Variants in GPC3 observed in about 807,000 individuals in gnomAD.
GPC3 encodes glypican 3.
GPC3 carries 3 observed loss-of-function variants against 34.4 expected under a neutral mutation model. That is an observed-to-expected ratio of 0.09 (90% CI 0.04 to 0.23). The LOEUF (loss-of-function observed/expected upper bound fraction) is 0.23. Among genes scored for constraint, GPC3 ranks in the 10% least tolerant of loss-of-function variants. The pLI, the probability that GPC3 is intolerant of heterozygous loss-of-function variation, is 1.00. For synonymous variants in GPC3, 177 were observed against 174.0 expected (o/e 1.02, Z -0.13); for missense variants, 351 against 445.6 (o/e 0.79, Z 1.91).
chrX:133,872,249 T>G (rs2075996866), intron 2 of GPC3, among the ~76,000 whole-genome samples: 1 of 111,623 alleles, frequency 9.0e-6, no homozygotes, highest in African/African-American at 3.3e-5. Flanking sequence ...TTTTTTTCTC[T>G]GAGGTTCGGG....
chrX:133,776,895 TTTG>T, intron 2 of GPC3, among the ~76,000 whole-genome samples: 1 of 101,157 alleles, frequency 9.9e-6, no homozygotes, highest in South Asian at 4.8e-4. Context: ...TTTTTTTTTT[TTTG>T]AGATGGAGTC....
intron 3 of GPC3, among the ~76,000 whole-genome samples, chrX:133,717,971 C>T (rs1267332044): frequency 2.7e-5 from 3 of 111,186 alleles, no homozygotes; most frequent in African/African-American, 6.5e-5. Flanking sequence ...ATGTAATTCA[C>T]ACAAAGAAAT....
chrX:133,945,668 C>T (rs1224359820), intron 2 of GPC3, among the ~76,000 whole-genome samples: 2 of 108,677 alleles, frequency 1.8e-5, no homozygotes, highest in Non-Finnish European at 1.9e-5. Context: ...GCAGGAGAAT[C>T]GCTTGAACCC....
intron 2 of GPC3, among the ~76,000 whole-genome samples, chrX:133,938,309 C>T (rs978250430): frequency 4.5e-5 from 5 of 111,506 alleles, no homozygotes. Context: ...GGTAGACTCC[C>T]CCAGGTAACA....
intron 2 of GPC3, among the ~76,000 whole-genome samples, chrX:133,854,991 C>A (rs1420970481): frequency 8.9e-6 from 1 of 112,008 alleles, no homozygotes; most frequent in African/African-American, 3.2e-5. Flanking sequence ...ACAGCATAAT[C>A]ACATTTTAAT....
chrX:133,615,977 TTTTCTC>T (rs1307152650), intron 6 of GPC3, among the ~76,000 whole-genome samples: 1 of 110,540 alleles, frequency 9.0e-6, no homozygotes, highest in Non-Finnish European at 1.9e-5. Context: ...AAACTGAAAG[TTTTCTC>T]TTTAAGATGA....
In GPC3 at chrX:133,650,457, C is replaced by CCACACA. The variant is rs537936603; in HGVS notation, c.1413+11267_1413+11272dup. ...GATTTAAACACACCCACACACCCAC[C>CCACACA]CACACACACACACACACACACACAC... On this transcript the variant is annotated intron_variant, in intron 6 of 7. Transcript: ENST00000370818. Among the ~76,000 whole-genome samples the CCACACA allele has an allele frequency of 7.2e-3, 704 of 97,673 alleles. 9 individuals carry two copies. The highest frequency in any genetic ancestry group is 0.024 in the African/African-American group (640 of 26,203). The allele number at this position is 97,673 out of a possible 115,157, so 84.8% of individuals were successfully genotyped here.
At chrX:133,897,535 T>TGA (rs1262872658) in intron 2 of GPC3, among the ~76,000 whole-genome samples, 4 of 110,540 alleles carry the variant, frequency 3.6e-5, no homozygotes, top group African/African-American at 1.3e-4. Context: ...ACCGTGCTAT[T>TGA]CTGCCTATAG....
intron 1 of GPC3, among the ~76,000 whole-genome samples, chrX:133,957,111 T>G (rs2076419988): frequency 8.9e-6 from 1 of 111,735 alleles, no homozygotes; most frequent in South Asian, 3.8e-4. Context: ...ATATATGATA[T>G]CCAAATATAA....
At chrX:133,689,341 T>C (rs1182702889) in intron 5 of GPC3, among the ~76,000 whole-genome samples, 2 of 111,831 alleles carry the variant, frequency 1.8e-5, no homozygotes, top group African/African-American at 3.2e-5. Context: ...TCAGTTACCA[T>C]AGTTCTTTTA....
At chrX:133,890,117 C>T (rs1208598007) in intron 2 of GPC3, among the ~76,000 whole-genome samples, 1 of 110,820 alleles carries the variant, frequency 9.0e-6, no homozygotes, top group East Asian at 2.8e-4. Context: ...AAAATGGAAT[C>T]ACACTTTATG....
intron 6 of GPC3, among the ~76,000 whole-genome samples, chrX:133,639,326 T>C (rs79032230): frequency 1.8e-5 from 2 of 112,322 alleles, no homozygotes; most frequent in African/African-American, 3.2e-5. Flanking sequence ...TTCTGCCTTG[T>C]ATTGTAATTA....
At chrX:133,908,345 G>C (rs1394251988) in intron 2 of GPC3, among the ~76,000 whole-genome samples, 1 of 111,101 alleles carries the variant, frequency 9.0e-6, no homozygotes, top group Admixed American at 9.7e-5. Context: ...CCCATGCTAG[G>C]TCTTGTGGAT....
At chrX:133,615,776 C>A (rs376729360) in intron 6 of GPC3, among the ~76,000 whole-genome samples, 15 of 106,140 alleles carry the variant, frequency 1.4e-4, no homozygotes, top group African/African-American at 4.9e-4. Flanking sequence ...AAAGAAAATG[C>A]AATCCAAAAA....
intron 2 of GPC3, among the ~76,000 whole-genome samples, chrX:133,946,246 C>T (rs1222122822): frequency 9.0e-6 from 1 of 111,694 alleles, no homozygotes; most frequent in Non-Finnish European, 1.9e-5. Context: ...GGCTGTATCA[C>T]ACATATAGCA....
intron 2 of GPC3, among the ~76,000 whole-genome samples, chrX:133,792,399 A>C (rs1444987076): frequency 1.8e-5 from 2 of 111,846 alleles, no homozygotes; most frequent in African/African-American, 6.5e-5. Flanking sequence ...TGGGTATAGA[A>C]TGAGACAAGG....
chrX:133,552,638 C>A (rs983987723), intron 7 of GPC3, among the ~76,000 whole-genome samples: 5 of 111,944 alleles, frequency 4.5e-5, no homozygotes, highest in Non-Finnish European at 9.4e-5. Flanking sequence ...GATGGAGCAA[C>A]CAACTCAGCA....
chrX:133,860,764 C>A (rs1219384109), intron 2 of GPC3, among the ~76,000 whole-genome samples: 1 of 111,343 alleles, frequency 9.0e-6, no homozygotes, highest in East Asian at 2.8e-4. Flanking sequence ...TGAGGAGTAT[C>A]TCAACCATCA....
At chrX:133,899,058 A>C (rs2076132922) in intron 2 of GPC3, among the ~76,000 whole-genome samples, 1 of 112,171 alleles carries the variant, frequency 8.9e-6, no homozygotes, top group South Asian at 3.7e-4. Context: ...TTTTTTAAAT[A>C]TCTCCCATGA....
Sources: allele counts gnomAD v4.1 joint callset (sites outside exome capture counted in the v4.1 genomes callset), GRCh38; gene constraint gnomAD v4.1.1; transcripts MANE v1.5; gene names NCBI Gene and HGNC (gene_info 2026-07-23, HGNC 2026-07-21).